The following SLC11A2 variants were observed in gnomAD, a reference collection of about 807,000 sequenced individuals.
SLC11A2 encodes solute carrier family 11 member 2.
Under a neutral mutation model 68.0 loss-of-function variants are expected in SLC11A2, and 38 were observed. That is an observed-to-expected ratio of 0.56 (90% CI 0.43 to 0.73). The LOEUF (loss-of-function observed/expected upper bound fraction) is 0.73. SLC11A2 is among the 30% of genes least tolerant of loss of function. SLC11A2 has a pLI of 0.00. For missense variants in SLC11A2, 517 were observed against 690.5 expected, an observed-to-expected ratio of 0.75 and a Z score of 2.82; for synonymous variants, 242 against 250.6, an observed-to-expected ratio of 0.97 and a Z score of 0.32.
intron 2 of SLC11A2, 53 bp downstream of exon 2, chr12:51,010,642 A>G (rs1472648038): frequency 1.0e-6 from 1 of 1,003,100 alleles, no homozygotes; most frequent in Non-Finnish European, 1.6e-6. Context: ...TCTGTTACCA[A>G]CATAAACCTA....
intron 5 of SLC11A2, among the ~76,000 whole-genome samples, chr12:51,003,803 G>C (rs1365767975): frequency 2.6e-5 from 4 of 151,420 alleles, no homozygotes; most frequent in Admixed American, 2.0e-4. Context: ...AGCTGGGTGT[G>C]GTCGTGCTCG....
intron 1 of SLC11A2, among the ~76,000 whole-genome samples, chr12:51,019,379 T>C (rs1420190895): frequency 6.6e-6 from 1 of 152,236 alleles, no homozygotes; most frequent in Non-Finnish European, 1.5e-5. Context: ...AAACCATTAC[T>C]GTATTATTAA....
At chr12:50,972,317 G>A in the SLC11A2 span, among the ~76,000 whole-genome samples, 2 of 152,200 alleles carry the variant, frequency 1.3e-5, no homozygotes, top group Non-Finnish European at 2.9e-5. Context: ...GAAAGCTAAA[G>A]TAATATATTT....
At chr12:51,014,348 T>G (rs911794023) in intron 1 of SLC11A2, 10 of 152,208 alleles carry the variant, frequency 6.6e-5, no homozygotes, top group Non-Finnish European at 1.3e-4. Context: ...TATTTCATGA[T>G]AAAATTTTAA....
At chr12:50,969,702 CA>C in the SLC11A2 span, among the ~76,000 whole-genome samples, 74 of 112,720 alleles carry the variant, frequency 6.6e-4, no homozygotes, top group Admixed American at 1.1e-3. Flanking sequence ...GACTCCATCT[CA>C]AAAAAAAAAA....
intron 2 of SLC11A2, chr12:51,008,966 T>C: frequency 1.6e-6 from 1 of 642,544 alleles, no homozygotes; most frequent in Non-Finnish European, 2.7e-6. Flanking sequence ...TAGAGCCATT[T>C]CATTTTCCTC....
At chr12:50,967,388 C>A in the SLC11A2 span, among the ~76,000 whole-genome samples, 22,731 of 152,076 alleles carry the variant, frequency 0.15, 1,899 homozygotes, top group South Asian at 0.26. Context: ...CTCAAATGGT[C>A]CACTTGCCTC....
intron 10 of SLC11A2, 110 bp from the exon 11 acceptor site, chr12:50,994,740 A>T: frequency 1.4e-6 from 1 of 738,520 alleles, no homozygotes; most frequent in South Asian, 1.4e-5. Flanking sequence ...CTGGAGGGAA[A>T]ACACTGGACA....
rs1401918031 is a variant in SLC11A2, at chr12:50,988,374, A to G, written c.1637T>C (p.Ile546Thr). 1.2e-6 allele frequency: 2 copies of G among 1,614,040 alleles called. No individual in the cohort carries two copies. Among genetic ancestry groups the G allele is most frequent in the Admixed American group, 3.3e-5 (2 of 60,016 alleles). Residue 546 changes from isoleucine (I) to threonine (T), a missense_variant, in exon 16 of 16, where the codon ATC (isoleucine) becomes ACC (threonine). Physicochemically the swap from Ile to Thr is moderately conservative, Grantham distance 89 (BLOSUM62 -1). Coordinates refer to ENST00000262052, the MANE Select transcript of SLC11A2 (RefSeq NM_000617.3). ...TTCTTCTGTCAGCAGGCCTTTAGAG[A>G]TGCTTACCGTATGCCCACAGTCCAG... The part of the protein sequence containing the change: ...SFLDCGHTVS[I>T]SKGLLTEEAT...
intron 1 of SLC11A2, among the ~76,000 whole-genome samples, chr12:51,024,051 T>C (rs1311450846): frequency 1.3e-5 from 2 of 152,184 alleles, no homozygotes; most frequent in Non-Finnish European, 2.9e-5. Flanking sequence ...ACTAAACTTA[T>C]ACCAACTGCA....
At chr12:50,965,234 C>T in the SLC11A2 span, among the ~76,000 whole-genome samples, 3 of 152,152 alleles carry the variant, frequency 2.0e-5, no homozygotes, top group East Asian at 3.9e-4. Context: ...CCACCTCAGC[C>T]TCTTGAGTAG....
At chr12:51,019,242 C>T (rs146263704) in intron 1 of SLC11A2, among the ~76,000 whole-genome samples, 2 of 152,290 alleles carry the variant, frequency 1.3e-5, no homozygotes, top group Admixed American at 1.3e-4. Flanking sequence ...TAGAGAATAA[C>T]AAAGAATTCT....
chr12:50,958,176 T>G, the SLC11A2 span, among the ~76,000 whole-genome samples: 28 of 152,214 alleles, frequency 1.8e-4, no homozygotes, highest in African/African-American at 6.3e-4. Flanking sequence ...ATCTACAGGC[T>G]TAATGTAATT....
At chr12:51,003,617 T>C (rs1942465129) in intron 5 of SLC11A2, among the ~76,000 whole-genome samples, 1 of 149,616 alleles carries the variant, frequency 6.7e-6, no homozygotes, top group African/African-American at 2.4e-5. Flanking sequence ...ACAAAATAAC[T>C]ATTAACGTGT....
At chr12:50,979,293 C>T (rs558151890), downstream of SLC11A2, 4 of 152,474 alleles carry the variant, frequency 2.6e-5, no homozygotes, top group South Asian at 4.1e-4. Flanking sequence ...AGTTCTGTGA[C>T]CTGAACGGTA....
chr12:51,028,857 A>G (rs540722574), upstream of SLC11A2, among the ~76,000 whole-genome samples: 4 of 152,340 alleles, frequency 2.6e-5, no homozygotes, highest in African/African-American at 7.2e-5. Context: ...AGAGCCACGC[A>G]AACTCCGGAC....
chr12:51,005,806 T>C (rs1390302517), intron 3 of SLC11A2: 2 of 638,446 alleles, frequency 3.1e-6, no homozygotes, highest in East Asian at 6.6e-5. Flanking sequence ...GTCCAACTAC[T>C]TGGGACACTG....
intron 1 of SLC11A2, among the ~76,000 whole-genome samples, chr12:51,025,351 G>A (rs1157445680): frequency 1.3e-5 from 2 of 152,218 alleles, no homozygotes; most frequent in African/African-American, 4.8e-5. Context: ...AACCCTGTAA[G>A]ACTGATATTA....
In SLC11A2 at chr12:50,986,414, T is replaced by C; in HGVS notation, c.*1911A>G. On this transcript the variant is annotated 3_prime_UTR_variant, in exon 16 of 16. Transcript: ENST00000262052. ...CATAATATTATAAAATGCCATTTAA[T>C]TGGAAGGAGTTTTCTATCATTGCAA... 4.7e-6 allele frequency: 6 copies of C among 1,283,006 alleles called. No individual in the cohort carries two copies. Among genetic ancestry groups the C allele is most frequent in the Non-Finnish European group, 6.1e-6 (6 of 985,138 alleles). 79.5% of individuals were successfully genotyped at this position (1,283,006 alleles called of 1,614,324 possible).
Sources: gnomAD v4.1 joint callset for allele counts (sites outside exome capture counted in the v4.1 genomes callset) on GRCh38, gnomAD v4.1.1 for gene constraint, MANE v1.5 for transcripts, NCBI Gene and HGNC (gene_info 2026-07-23, HGNC 2026-07-21) for gene names.